The following CIT variants were observed in gnomAD, a reference collection of about 807,000 sequenced individuals.
CIT encodes the protein citron Rho-interacting kinase.
CIT carries 79 observed loss-of-function variants against 272.7 expected under a neutral mutation model. The ratio of observed to expected loss-of-function variants is 0.29; its 90% CI spans 0.24 to 0.35. The LOEUF (loss-of-function observed/expected upper bound fraction) is 0.35. Ranked by LOEUF, CIT falls within the 10% of genes least tolerant of loss-of-function variation. The pLI, the probability that CIT is intolerant of heterozygous loss-of-function variation, is 1.00. For missense variants in CIT, 1,909 were observed against 2,618.3 expected (o/e 0.73, Z 5.91); for synonymous variants, 948 against 995.6 (o/e 0.95, Z 0.90).
intron 28 of CIT, among the ~76,000 whole-genome samples, chr12:119,727,993 A>C (rs965566934): frequency 6.6e-6 from 1 of 152,186 alleles, no homozygotes; most frequent in Non-Finnish European, 1.5e-5. Context: ...ACCTGGATGC[A>C]TATGACTAAG....
At chr12:119,758,565 A>T in intron 21 of CIT, 26 bp downstream of exon 21, 1 of 1,400,784 alleles carries the variant, frequency 7.1e-7, no homozygotes, top group Non-Finnish European at 1.0e-6. Flanking sequence ...GTAATAATGT[A>T]GGGCAGTTAG....
rs938339889 is a variant in CIT at position 119,866,453 on chromosome 12, C to G, written c.238+2607G>C. ...ACCATGTAGCTCAGAGGTCAGCAAG[C>G]CTTTTCGAAATGGGCCAAACAGGAA... On this transcript the variant is annotated intron_variant, in intron 3 of 47. Transcript: ENST00000392521. Among the ~76,000 whole-genome samples, 5 of 152,164 alleles carry G rather than the reference C, an allele frequency of 3.3e-5. No individual in the cohort carries two copies. In the East Asian group the frequency reaches 9.6e-4, roughly 29 times the overall value.
chr12:119,794,677 G>A (rs1322373644), intron 10 of CIT, among the ~76,000 whole-genome samples: 1 of 152,206 alleles, frequency 6.6e-6, no homozygotes, highest in Admixed American at 6.5e-5. Context: ...GGAGATATTA[G>A]GACATCTGTC....
chr12:119,745,892 T>C (rs1036160606), intron 23 of CIT, among the ~76,000 whole-genome samples: 1 of 152,236 alleles, frequency 6.6e-6, no homozygotes, highest in Non-Finnish European at 1.5e-5. Flanking sequence ...TTGTTTAGAA[T>C]TGACTTCCTA....
At chr12:119,840,220 A>T (rs1411299797) in intron 5 of CIT, among the ~76,000 whole-genome samples, 1 of 152,168 alleles carries the variant, frequency 6.6e-6, no homozygotes, top group African/African-American at 2.4e-5. Flanking sequence ...CAGGAGGGTG[A>T]GGTGGGAGGA....
At chr12:119,789,455 A>G (rs754238715) in intron 10 of CIT, among the ~76,000 whole-genome samples, 11 of 152,240 alleles carry the variant, frequency 7.2e-5, no homozygotes, top group Non-Finnish European at 1.5e-4. Context: ...TATTGTCCCC[A>G]GTGTTAATAA....
At chr12:119,815,649 C>A (rs431392) in intron 9 of CIT, among the ~76,000 whole-genome samples, 1 of 151,550 alleles carries the variant, frequency 6.6e-6, no homozygotes, top group Non-Finnish European at 1.5e-5. Context: ...GAGGTTGCAA[C>A]GAGCCGAGAT....
chr12:119,736,957 A>G (rs1206715569), intron 24 of CIT, among the ~76,000 whole-genome samples: 1 of 152,214 alleles, frequency 6.6e-6, no homozygotes, highest in Non-Finnish European at 1.5e-5. Context: ...CCAATAAGCC[A>G]TCTGACCTTT....
intron 17 of CIT, among the ~76,000 whole-genome samples, chr12:119,772,196 A>T (rs1273960711): frequency 6.6e-6 from 1 of 152,204 alleles, no homozygotes; most frequent in Non-Finnish European, 1.5e-5. Context: ...GGAGGCAGAT[A>T]CGAGTAAAGG....
chr12:119,728,628 C>T lies in CIT; in HGVS notation c.3487-22G>A, dbSNP rs1958261347. The stretch of plus-strand genomic sequence containing the variant: ...TGAGCTAGACATTTGGAAAGATTGG[C>T]ATAATGCCACACTTAGGAATGTTAG... On this transcript the variant is annotated intron_variant, in intron 27 of 47. Coordinates refer to ENST00000392521, the MANE Select transcript of CIT (RefSeq NM_001206999.2). The surrounding 1 kb of genome is among the most constrained non-coding windows in gnomAD (Gnocchi z 4.3). 2 of 1,470,326 alleles carry T rather than the reference C, an allele frequency of 1.4e-6. No individual in the cohort carries two copies. Among genetic ancestry groups the T allele is most frequent in the Non-Finnish European group, 1.9e-6 (2 of 1,056,522 alleles). 91.1% of individuals were successfully genotyped at this position (1,470,326 alleles called of 1,614,324 possible).
chr12:119,766,597 T>C (rs1962480973), intron 19 of CIT, among the ~76,000 whole-genome samples: 1 of 152,194 alleles, frequency 6.6e-6, no homozygotes, highest in Non-Finnish European at 1.5e-5. Context: ...AATAGTAACT[T>C]AATTGTGTAT....
At chr12:119,730,211 AG>A (rs1958361107) in intron 27 of CIT, among the ~76,000 whole-genome samples, 1 of 152,052 alleles carries the variant, frequency 6.6e-6, no homozygotes, top group Admixed American at 6.5e-5. Flanking sequence ...ACAACCAGAG[AG>A]TAGAACACCC....
rs2138044792 is a variant in CIT at position 119,822,871 on chromosome 12, G to A, written c.1060C>T (p.Leu354Phe). 1 of 1,614,108 alleles carries A rather than the reference G, an allele frequency of 6.2e-7. No homozygotes were observed. The highest frequency in any genetic ancestry group is 8.5e-7 in the Non-Finnish European group (1 of 1,180,014). ...GQKERLKFEG[L>F]CCHPFFSKID... Reference sequence around the variant, plus strand: ...TTAGAGAAGAAAGGATGGCAGCAAAGACCTTCAAACTTCAGTCTCTCTTTC... The same window carrying A: ...TTAGAGAAGAAAGGATGGCAGCAAAAACCTTCAAACTTCAGTCTCTCTTTC... The change falls in exon 9 of 48, where the codon CTT becomes TTT. Residue 354 changes from leucine to phenylalanine, a missense_variant. Around this residue, in one of 8 missense-constraint regions of CIT, gnomAD observed 529 missense variants for 549.6 expected, o/e 0.96. Coordinates refer to ENST00000392521, the MANE Select transcript of CIT (RefSeq NM_001206999.2).
rs557665764 is a variant in CIT at position 119,768,117 on chromosome 12, G to A, written c.2209-935C>T. Among the ~76,000 whole-genome samples the A allele has an allele frequency of 2.2e-4, 34 of 152,098 alleles. 1 individual carries two copies. In the South Asian group the frequency reaches 2.9e-3, roughly 13 times the overall value. ...AGTAGAGGCGAGGTTTCACCATGTC[G>A]GTCAGGCTGGTTTCAAACTCCTGAC... On this transcript the variant is annotated intron_variant, in intron 18 of 47. Transcript: ENST00000392521. The surrounding 1 kb of genome is among the most constrained non-coding windows in gnomAD (Gnocchi z 4.3).
At chr12:119,744,985 A>G (rs935386153) in intron 23 of CIT, among the ~76,000 whole-genome samples, 3 of 152,054 alleles carry the variant, frequency 2.0e-5, no homozygotes, top group African/African-American at 7.2e-5. Context: ...GACAACTTCA[A>G]GTAGCCTAAC....
At chr12:119,863,309 G>A (rs1485178043) in intron 3 of CIT, among the ~76,000 whole-genome samples, 1 of 151,492 alleles carries the variant, frequency 6.6e-6, no homozygotes, top group Non-Finnish European at 1.5e-5. Context: ...GGAGCTAAAG[G>A]ATGAGAACAC....
At chr12:119,817,050 A>ACTC (rs1424273216) in intron 9 of CIT, among the ~76,000 whole-genome samples, 3 of 152,076 alleles carry the variant, frequency 2.0e-5, no homozygotes, top group Non-Finnish European at 4.4e-5. Flanking sequence ...AGTCTTCTCA[A>ACTC]CTCATCTTGA....
intron 9 of CIT, among the ~76,000 whole-genome samples, chr12:119,812,539 A>G (rs566203410): frequency 1.3e-5 from 2 of 152,014 alleles, no homozygotes; most frequent in African/African-American, 2.4e-5. Flanking sequence ...TCCTGGGCTC[A>G]AGCAATCCTC....
chr12:119,713,930 A>G lies in CIT; in HGVS notation c.4306+267T>C. 1.7e-6 allele frequency: 1 copy of G among 605,576 alleles called. No homozygotes were observed. Among genetic ancestry groups the G allele is most frequent in the Non-Finnish European group, 2.9e-6 (1 of 343,178 alleles). The allele number at this position is 605,576 out of a possible 1,614,324, so 37.5% of individuals were successfully genotyped here. A position where few individuals can be genotyped will look rare whatever the true frequency, so the allele number is the denominator to read the frequency against. On this transcript the variant is annotated intron_variant, in intron 33 of 47. Coordinates refer to ENST00000392521, the MANE Select transcript of CIT (RefSeq NM_001206999.2). This position sits in a 1 kb window ranked among gnomAD's most constrained non-coding sequence, Gnocchi z 5.2. ...TGCATGTTTCAGTTGGAGTCAGCGG[A>G]AAGGTAGGGAGAGACCAGCCTGACA...
Sources: gnomAD v4.1 joint callset for allele counts (sites outside exome capture counted in the v4.1 genomes callset) on GRCh38, gnomAD v4.1.1 for gene constraint, gnomAD v4.1.1 regional missense constraint, Gnocchi (gnomAD v3.1) non-coding constraint, MANE v1.5 for transcripts, NCBI Gene and HGNC (gene_info 2026-07-23, HGNC 2026-07-21) for gene names.